The following RFTN1 variants were observed in gnomAD, a reference collection of about 807,000 sequenced individuals.
RFTN1 encodes raftlin, lipid raft linker 1.
Under a neutral mutation model 46.5 loss-of-function variants are expected in RFTN1, and 26 were observed. The observed-to-expected ratio is 0.56, with a 90% CI of 0.41 to 0.78. The LOEUF (loss-of-function observed/expected upper bound fraction) is 0.78, where lower values mean the gene tolerates loss of function less well. Ranked by LOEUF, RFTN1 falls within the 30% of genes least tolerant of loss-of-function variation. The probability of loss-of-function intolerance (pLI) is 0.00; values close to 1 mark genes in which losing one functional copy is unlikely to be tolerated. For synonymous variants in RFTN1, 261 were observed against 284.2 expected (o/e 0.92, Z 0.82); for missense variants, 693 against 718.7 (o/e 0.96, Z 0.41).
intron 2 of RFTN1, among the ~76,000 whole-genome samples, chr3:16,439,837 G>C (rs561645801): frequency 5.2e-4 from 79 of 152,230 alleles, no homozygotes; most frequent in Non-Finnish European, 1.5e-4. Context: ...TTTCAGAGGA[G>C]TTCTAGGGAA....
rs1476005632 is a variant in RFTN1, at chr3:16,400,158, A to G, written c.441+9217T>C. Among the ~76,000 whole-genome samples the G allele has an allele frequency of 6.6e-6, 1 of 152,152 alleles. No individual in the cohort carries two copies. The highest frequency in any genetic ancestry group is 1.5e-5 in the Non-Finnish European group (1 of 68,016). ...TCCTCAGCCTGGCCTGCAGGGCTGT[A>G]TGGGGACCCGACTCACTCTCCAGCC... is the stretch of plus-strand genomic sequence containing the variant. On this transcript the variant is annotated intron_variant, in intron 4 of 9. Transcript: ENST00000334133. This position sits in a 1 kb window ranked among gnomAD's most constrained non-coding sequence, Gnocchi z 4.5.
chr3:16,394,799 T>C (rs1021324212), intron 4 of RFTN1, among the ~76,000 whole-genome samples: 9 of 152,228 alleles, frequency 5.9e-5, no homozygotes, highest in African/African-American at 1.9e-4. Context: ...ACATATGAGC[T>C]GGACAAGAAA....
In RFTN1 at chr3:16,458,628, T is replaced by C. The variant is rs2075955496; in HGVS notation, c.146-24591A>G. Among the ~76,000 whole-genome samples, 1 of 152,178 alleles carries C rather than the reference T, an allele frequency of 6.6e-6. No homozygotes were observed. Among genetic ancestry groups the C allele is most frequent in the Non-Finnish European group, 1.5e-5 (1 of 68,036 alleles). On this transcript the variant is annotated intron_variant, in intron 2 of 9. Transcript: ENST00000334133. The surrounding 1 kb of genome is among the most constrained non-coding windows in gnomAD (Gnocchi z 5.1). ...ATGACAAGCATTTCGACCCACACAC[T>C]CTATTTACATATCATAGCAAACAGC... is the stretch of plus-strand genomic sequence containing the variant.
At chr3:16,502,031 C>G (rs1321155262) in intron 1 of RFTN1, among the ~76,000 whole-genome samples, 1 of 152,118 alleles carries the variant, frequency 6.6e-6, no homozygotes, top group African/African-American at 2.4e-5. Context: ...GTTAGCAGAA[C>G]TTTTTTCTGA....
In RFTN1 at chr3:16,473,444, A is replaced by C. The variant is rs2076231624; in HGVS notation, c.145+20281T>G. Among the ~76,000 whole-genome samples the C allele has an allele frequency of 6.6e-6, 1 of 151,778 alleles. No homozygotes were observed. Among genetic ancestry groups the C allele is most frequent in the East Asian group, 1.9e-4 (1 of 5,178 alleles). Reference sequence around the variant, plus strand: ...GAGATAGAGTCTGGCTCTGTCGCCAAGGCTGGAGTGCAGTGGTGTGATCTC... The same window carrying C: ...GAGATAGAGTCTGGCTCTGTCGCCACGGCTGGAGTGCAGTGGTGTGATCTC... On this transcript the variant is annotated intron_variant, in intron 2 of 9. Coordinates refer to ENST00000334133, the MANE Select transcript of RFTN1 (RefSeq NM_015150.2). The surrounding 1 kb of genome is among the most constrained non-coding windows in gnomAD (Gnocchi z 5.3).
At chr3:16,365,686 G>T (rs1329892159) in intron 6 of RFTN1, among the ~76,000 whole-genome samples, 2 of 152,260 alleles carry the variant, frequency 1.3e-5, no homozygotes, top group Non-Finnish European at 2.9e-5. Flanking sequence ...GCAGTGTGGA[G>T]AACACATTGC....
rs1174790310 is a variant in RFTN1 at position 16,337,479 on chromosome 3, C to G, written c.1147-10603G>C. The G allele has an allele frequency of 2.0e-5, 3 of 152,054 alleles. No individual in the cohort carries two copies. Among genetic ancestry groups the G allele is most frequent in the Non-Finnish European group, 4.4e-5 (3 of 68,032 alleles). The allele number at this position is 152,054 out of a possible 1,614,324, so 9.4% of individuals were successfully genotyped here. On this transcript the variant is annotated intron_variant, in intron 7 of 9. Transcript: ENST00000334133. The surrounding 1 kb of genome is among the most constrained non-coding windows in gnomAD (Gnocchi z 5.0). ...TGATTTGTGGCCGGGCTCAGTGGCT[C>G]ACGCCTGTAATCTCTGCACTTTGGG...
Position 16,402,096 on chromosome 3 carries a change from A to AT in RFTN1, c.441+7278dup. The stretch of plus-strand genomic sequence containing the variant: ...CTCAAGTCTTCATACAACCATCCCC[A>AT]TTCTCATCACCTCTCTGCCCCCAGG... On this transcript the variant is annotated intron_variant, in intron 4 of 9. Coordinates refer to ENST00000334133, the MANE Select transcript of RFTN1 (RefSeq NM_015150.2). This position sits in a 1 kb window ranked among gnomAD's most constrained non-coding sequence, Gnocchi z 4.5. 6.6e-6 allele frequency among the ~76,000 whole-genome samples: 1 copy of AT among 152,076 alleles called. No individual in the cohort carries two copies.
chr3:16,354,273 G>A (rs945387999), intron 7 of RFTN1, among the ~76,000 whole-genome samples: 1 of 152,220 alleles, frequency 6.6e-6, no homozygotes, highest in Non-Finnish European at 1.5e-5. Flanking sequence ...CCTGCAGGAG[G>A]TGACCTAAGA....
chr3:16,442,929 G>A lies in RFTN1; in HGVS notation c.146-8892C>T, dbSNP rs915414925. 6.6e-6 allele frequency among the ~76,000 whole-genome samples: 1 copy of A among 152,144 alleles called. No homozygotes were observed. Among genetic ancestry groups the A allele is most frequent in the Non-Finnish European group, 1.5e-5 (1 of 68,032 alleles). On this transcript the variant is annotated intron_variant, in intron 2 of 9. Transcript: ENST00000334133. This position sits in a 1 kb window ranked among gnomAD's most constrained non-coding sequence, Gnocchi z 4.1. Reference sequence around the variant, plus strand: ...GAGGATCATCTTCTTTTTTAAGGCTGAATAATACTCCATTGCATATATATA... The same window carrying A: ...GAGGATCATCTTCTTTTTTAAGGCTAAATAATACTCCATTGCATATATATA...
At position 16,434,037 on chromosome 3, in the gene RFTN1, G is replaced by A. The variant is rs532776757; in HGVS notation, c.146C>T (p.Ala49Val). The change falls in exon 3 of 10, where the codon GCG becomes GTG. Residue 49 changes from alanine to valine, a missense_variant and splice_region_variant. Transcript: ENST00000334133. ...RFLEFTTLSA[A>V]ELPGSSAVRL... is the part of the protein sequence containing the mutation. The stretch of plus-strand genomic sequence containing the variant: ...CACTGCTGAGGACCCAGGGAGCTCC[G>A]CTGGAGTGGAGAGAGGAGAGGCTCA... 6.9e-6 allele frequency: 11 copies of A among 1,588,958 alleles called. No individual in the cohort carries two copies. The highest frequency in any genetic ancestry group is 1.8e-5 in the Admixed American group (1 of 56,910).
chr3:16,461,463 T>C (rs1412376428), intron 2 of RFTN1, among the ~76,000 whole-genome samples: 2 of 152,226 alleles, frequency 1.3e-5, no homozygotes, highest in African/African-American at 4.8e-5. Flanking sequence ...TGTATGAATT[T>C]TCCACCAGGA....
Position 16,329,789 on chromosome 3 carries a change from G to A in RFTN1, c.1147-2913C>T, listed in dbSNP as rs910152084. Among the ~76,000 whole-genome samples the A allele has an allele frequency of 6.6e-6, 1 of 152,114 alleles. No homozygotes were observed. Among genetic ancestry groups the A allele is most frequent in the Non-Finnish European group, 1.5e-5 (1 of 68,018 alleles). ...CTTTATCAAGCACTGTGACAAACCC[G>A]CCACAATCAGACAGTAGCCATGGCA... On this transcript the variant is annotated intron_variant, in intron 7 of 9. Coordinates refer to ENST00000334133, the MANE Select transcript of RFTN1 (RefSeq NM_015150.2). The surrounding 1 kb of genome is among the most constrained non-coding windows in gnomAD (Gnocchi z 4.5).
intron 1 of RFTN1, among the ~76,000 whole-genome samples, chr3:16,497,172 C>G (rs1185839475): frequency 6.6e-6 from 1 of 152,148 alleles, no homozygotes; most frequent in African/African-American, 2.4e-5. Flanking sequence ...GGCCACTGAG[C>G]AGTCTCTGTA....
intron 2 of RFTN1, among the ~76,000 whole-genome samples, chr3:16,477,203 T>C (rs1202661514): frequency 6.6e-6 from 1 of 151,898 alleles, no homozygotes; most frequent in Admixed American, 6.6e-5. Flanking sequence ...TTGGTTTTTT[T>C]CCTGAAACTG....
rs1243208899 is a variant in RFTN1, at chr3:16,327,587, G to A, written c.1147-711C>T. 1.3e-5 allele frequency among the ~76,000 whole-genome samples: 2 copies of A among 151,874 alleles called. No homozygotes were observed. Among genetic ancestry groups the A allele is most frequent in the South Asian group, 2.1e-4 (1 of 4,816 alleles). The stretch of plus-strand genomic sequence containing the variant: ...ATCCTGGCTAACACAGTGAAACCCC[G>A]TCTCTACTAAAAATACAAAAAAAAT... On this transcript the variant is annotated intron_variant, in intron 7 of 9. Transcript: ENST00000334133. The surrounding 1 kb of genome is among the most constrained non-coding windows in gnomAD (Gnocchi z 4.2).
intron 3 of RFTN1, among the ~76,000 whole-genome samples, chr3:16,430,381 G>A (rs2075362790): frequency 6.6e-6 from 1 of 152,120 alleles, no homozygotes; most frequent in Non-Finnish European, 1.5e-5. Flanking sequence ...CAAAGTGCTG[G>A]GATTATAGGT....
intron 7 of RFTN1, among the ~76,000 whole-genome samples, chr3:16,339,086 C>T (rs1251709653): frequency 6.6e-6 from 1 of 152,226 alleles, no homozygotes; most frequent in Non-Finnish European, 1.5e-5. Context: ...ACACCATGTG[C>T]TGGGCTGTCA....
intron 6 of RFTN1, among the ~76,000 whole-genome samples, chr3:16,366,809 G>A (rs180911404): frequency 1.3e-5 from 2 of 152,190 alleles, no homozygotes; most frequent in African/African-American, 4.8e-5. Flanking sequence ...CAACCGCTAG[G>A]TGTCCATGGT....
Sources: allele counts gnomAD v4.1 joint callset (sites outside exome capture counted in the v4.1 genomes callset), GRCh38; gene constraint gnomAD v4.1.1; non-coding constraint Gnocchi (gnomAD v3.1); transcripts MANE v1.5; gene names NCBI Gene and HGNC (gene_info 2026-07-23, HGNC 2026-07-21).